RERE: variants seen among roughly 807,000 people sequenced by gnomAD.
RERE encodes arginine-glutamic acid dipeptide repeats protein.
A neutral mutation model predicts 146.1 loss-of-function variants in RERE; 40 were observed. The observed-to-expected ratio is 0.27, with a 90% confidence interval of 0.21 to 0.36. RERE has a LOEUF of 0.36. Ranked by LOEUF, RERE falls within the 10% of genes least tolerant of loss-of-function variation. The pLI, the probability that RERE is intolerant of heterozygous loss-of-function variation, is 1.00. For missense variants in RERE, 1,933 were observed against 2,138.7 expected (o/e 0.90, Z 1.90); for synonymous variants, 1,003 against 866.0 (o/e 1.16, Z -2.78).
rs576510904 is a variant in RERE, at chr1:8,633,443, G to A, written c.326-9063C>T. The stretch of plus-strand genomic sequence containing the variant: ...GTCTCTTAAACACGCACGTGCGCAC[G>A]CACACACACAGACACACACACACAC... On this transcript the variant is annotated intron_variant, in intron 2 of 22. Transcript: ENST00000400908. 6.6e-5 allele frequency among the ~76,000 whole-genome samples: 10 copies of A among 151,194 alleles called. No individual in the cohort carries two copies. In the South Asian group the frequency reaches 1.7e-3, roughly 25 times the overall value.
At chr1:8,486,787 GA>G (rs1284800609) in intron 10 of RERE, among the ~76,000 whole-genome samples, 1 of 131,604 alleles carries the variant, frequency 7.6e-6, no homozygotes, top group Admixed American at 7.5e-5. Context: ...AGAAAGAAAA[GA>G]AAAAAAGCAC....
chr1:8,465,435 C>T (rs1644582732), intron 11 of RERE: 1 of 313,032 alleles, frequency 3.2e-6, no homozygotes, highest in Admixed American at 4.4e-5. Flanking sequence ...GCCTACAGTC[C>T]CAGCTACTTA....
intron 1 of RERE, among the ~76,000 whole-genome samples, chr1:8,693,027 G>A (rs188491800): frequency 3.4e-4 from 51 of 152,122 alleles, no homozygotes; most frequent in Non-Finnish European, 2.8e-4. Context: ...CATCGGAAAT[G>A]AGCAGTTATA....
chr1:8,575,548 TATATATATATATA>T (rs1448596116), intron 4 of RERE, among the ~76,000 whole-genome samples: 5 of 64,930 alleles, frequency 7.7e-5, no homozygotes, highest in South Asian at 4.8e-4. Context: ...TATATATATA[TATATATATATATA>T]TTTTTTTTTT....
At chr1:8,649,625 G>A (rs766084914) in intron 2 of RERE, among the ~76,000 whole-genome samples, 3 of 151,226 alleles carry the variant, frequency 2.0e-5, no homozygotes, top group Non-Finnish European at 2.9e-5. Context: ...AGCTACTCTC[G>A]AAGATGAGGC....
At position 8,800,679 on chromosome 1, in the gene RERE, G is replaced by T. The variant is rs138849021; in HGVS notation, c.-145+16481C>A. Among the ~76,000 whole-genome samples the T allele has an allele frequency of 9.4e-3, 1,437 of 152,070 alleles. 16 individuals carry two copies. The highest frequency in any genetic ancestry group is 0.033 in the African/African-American group (1,360 of 41,492). On this transcript the variant is annotated intron_variant, in intron 1 of 22. Transcript: ENST00000400908. ...GAGATTCCGTCTCTAAAAAAACTTTGTAAGGGCCAGAAGTGGTGGCTCAGA... is the reference window on the plus strand; with the variant it reads ...GAGATTCCGTCTCTAAAAAAACTTTTTAAGGGCCAGAAGTGGTGGCTCAGA...
chr1:8,464,714 C>T (rs1219959008), intron 11 of RERE, among the ~76,000 whole-genome samples: 2 of 152,170 alleles, frequency 1.3e-5, no homozygotes, highest in Admixed American at 1.3e-4. Context: ...CCTTCCTCAC[C>T]TTACTAAGGT....
chr1:8,744,144 C>T (rs952852814), intron 1 of RERE, among the ~76,000 whole-genome samples: 3 of 152,134 alleles, frequency 2.0e-5, no homozygotes, highest in Non-Finnish European at 1.5e-5. Flanking sequence ...GAGATGATTC[C>T]CTTTCATTTA....
intron 2 of RERE, among the ~76,000 whole-genome samples, chr1:8,642,631 C>T (rs1647195121): frequency 6.6e-6 from 1 of 152,114 alleles, no homozygotes; most frequent in Non-Finnish European, 1.5e-5. Flanking sequence ...TTCAAAATCC[C>T]TTAAAAGTGA....
chr1:8,551,022 G>A (rs1396344972), intron 6 of RERE, among the ~76,000 whole-genome samples: 1 of 152,124 alleles, frequency 6.6e-6, no homozygotes, highest in Non-Finnish European at 1.5e-5. Flanking sequence ...CTAATTTAGG[G>A]CTCCTTGGCC....
chr1:8,493,373 T>C (rs1645002647), intron 10 of RERE, among the ~76,000 whole-genome samples: 2 of 152,224 alleles, frequency 1.3e-5, no homozygotes, highest in South Asian at 4.1e-4. Flanking sequence ...AGTGACAATG[T>C]ACACAAACAC....
At chr1:8,536,482 G>A (rs576061828) in intron 7 of RERE, among the ~76,000 whole-genome samples, 38 of 152,296 alleles carry the variant, frequency 2.5e-4, no homozygotes, top group Admixed American at 2.2e-3. Flanking sequence ...ATCTCTTTTT[G>A]TAAGCTAAGA....
At chr1:8,389,482 A>T (rs908832529) in intron 12 of RERE, among the ~76,000 whole-genome samples, 1 of 152,096 alleles carries the variant, frequency 6.6e-6, no homozygotes, top group African/African-American at 2.4e-5. Context: ...GGATGCCCCT[A>T]CTTTAGGGAA....
chr1:8,406,082 G>C (rs549582762), intron 12 of RERE, among the ~76,000 whole-genome samples: 1 of 151,312 alleles, frequency 6.6e-6, no homozygotes, highest in East Asian at 2.0e-4. Context: ...GATTCTGAGT[G>C]AGTCAATCCA....
At chr1:8,664,337 T>C (rs1638523435) in intron 1 of RERE, among the ~76,000 whole-genome samples, 1 of 152,152 alleles carries the variant, frequency 6.6e-6, no homozygotes, top group South Asian at 2.1e-4. Flanking sequence ...GTAGAAGTTC[T>C]GTTGGGGCAC....
At position 8,676,067 on chromosome 1, in the gene RERE, T is replaced by C. The variant is rs1638834612; in HGVS notation, c.-144-19626A>G. ...CCATATAAAGGGTCTATGAAGTCTATATGTAAGAAAACTGTTCAACAAGTT... is the reference window on the plus strand; with the variant it reads ...CCATATAAAGGGTCTATGAAGTCTACATGTAAGAAAACTGTTCAACAAGTT... On this transcript the variant is annotated intron_variant, in intron 1 of 22. Transcript: ENST00000400908. 1.3e-5 allele frequency among the ~76,000 whole-genome samples: 2 copies of C among 152,228 alleles called. 1 individual carries two copies. The highest frequency in any genetic ancestry group is 4.1e-4 in the South Asian group (2 of 4,836).
Position 8,368,787 on chromosome 1 carries a change from G to A in RERE, c.1285-2813C>T, listed in dbSNP as rs983127763. Among the ~76,000 whole-genome samples the A allele has an allele frequency of 2.0e-5, 3 of 152,032 alleles. No individual in the cohort carries two copies. The South Asian group carries it at 6.2e-4, about 31-fold the overall frequency. ...CCCAGGTTAAGGGAAGAAGCCAGGCGCAGCAGTTTACGCCTGTAATACCAG... is the reference window on the plus strand; with the variant it reads ...CCCAGGTTAAGGGAAGAAGCCAGGCACAGCAGTTTACGCCTGTAATACCAG... On this transcript the variant is annotated intron_variant, in intron 12 of 22. Coordinates refer to ENST00000400908, the MANE Select transcript of RERE (RefSeq NM_001042681.2).
intron 4 of RERE, among the ~76,000 whole-genome samples, chr1:8,598,636 C>T (rs1646584143): frequency 6.6e-6 from 1 of 152,198 alleles, no homozygotes; most frequent in Non-Finnish European, 1.5e-5. Context: ...ATCTGGATTT[C>T]AAAGACCTCT....
intron 7 of RERE, among the ~76,000 whole-genome samples, chr1:8,539,401 CCTTTTTTTTTT>C (rs916123409): frequency 3.4e-5 from 3 of 87,694 alleles, no homozygotes; most frequent in African/African-American, 1.4e-4. Context: ...TCTTTCTTTT[CCTTTTTTTTTT>C]CTTTTTTTCT....
Sources: allele counts gnomAD v4.1 joint callset (sites outside exome capture counted in the v4.1 genomes callset), GRCh38; gene constraint gnomAD v4.1.1; transcripts MANE v1.5; gene names NCBI Gene and HGNC (gene_info 2026-07-23, HGNC 2026-07-21).